DZIP1: variants seen among roughly 807,000 people sequenced by gnomAD.
DZIP1 encodes the protein DAZ interacting zinc finger protein 1.
DZIP1 carries 97 observed loss-of-function variants against 107.6 expected under a neutral mutation model. The observed-to-expected ratio is 0.90, with a 90% CI of 0.77 to 1.07. The LOEUF (loss-of-function observed/expected upper bound fraction) is 1.07. Ranked by LOEUF, DZIP1 falls within the 50% of genes least tolerant of loss-of-function variation. The pLI, the probability that DZIP1 is intolerant of heterozygous loss-of-function variation, is 0.00. For missense variants in DZIP1, 1,035 were observed against 1,063.6 expected (o/e 0.97, Z 0.37); for synonymous variants, 390 against 386.4 (o/e 1.01, Z -0.11).
intron 10 of DZIP1, among the ~76,000 whole-genome samples, chr13:95,612,918 C>A (rs2045060349): frequency 6.6e-6 from 1 of 151,872 alleles, no homozygotes; most frequent in South Asian, 2.1e-4. Flanking sequence ...CAGAAACTAG[C>A]ACAATCCCTG....
intron 7 of DZIP1, among the ~76,000 whole-genome samples, chr13:95,625,633 G>A (rs993773602): frequency 6.6e-6 from 1 of 152,112 alleles, no homozygotes; most frequent in African/African-American, 2.4e-5. Context: ...GTAACAGAAG[G>A]GAACTGGAAA....
intron 14 of DZIP1, among the ~76,000 whole-genome samples, chr13:95,600,508 AT>A (rs1342458518): frequency 6.6e-6 from 1 of 151,982 alleles, no homozygotes; most frequent in Non-Finnish European, 1.5e-5. Flanking sequence ...CTGGTTTTTT[AT>A]TCATTAAAGT....
intron 7 of DZIP1, among the ~76,000 whole-genome samples, chr13:95,627,719 G>T (rs140218529): frequency 8.1e-4 from 123 of 152,340 alleles, no homozygotes; most frequent in African/African-American, 2.0e-3. Flanking sequence ...GTGGAAGACA[G>T]TTTGGTGGTT....
chr13:95,609,885 A>C (rs544978246), intron 12 of DZIP1, among the ~76,000 whole-genome samples: 1 of 152,162 alleles, frequency 6.6e-6, no homozygotes, highest in Non-Finnish European at 1.5e-5. Context: ...CATCTCTCAA[A>C]TAGACAAAGA....
At chr13:95,589,443 TA>T (rs917060117) in intron 18 of DZIP1, among the ~76,000 whole-genome samples, 6 of 152,250 alleles carry the variant, frequency 3.9e-5, no homozygotes, top group Non-Finnish European at 7.4e-5. Context: ...ATACATATGC[TA>T]AAGACCTGAC....
chr13:95,629,051 GC>G (rs1239973415), intron 7 of DZIP1, among the ~76,000 whole-genome samples: 32 of 152,264 alleles, frequency 2.1e-4, no homozygotes, highest in African/African-American at 7.0e-4. Context: ...GAAAGAGTGA[GC>G]CCATGTGGAA....
Position 95,594,113 on chromosome 13 carries a change from A to T in DZIP1, c.1538-27T>A, listed in dbSNP as rs201630735. On this transcript the variant is annotated intron_variant, in intron 15 of 22. Coordinates refer to ENST00000376829, the MANE Select transcript of DZIP1 (RefSeq NM_198968.4). ...TGAAATAAGGTTTTAAAAATGTGTT[A>T]AAAAAAGAATTAAGCAAATACATCA... 1.5e-4 allele frequency: 229 copies of T among 1,560,798 alleles called. 1 individual carries two copies. In the East Asian group the frequency reaches 4.2e-3, roughly 29 times the overall value.
intron 12 of DZIP1, among the ~76,000 whole-genome samples, chr13:95,610,042 TCTTGACTG>T (rs2044929866): frequency 2.0e-5 from 3 of 149,390 alleles, no homozygotes; most frequent in Non-Finnish European, 4.5e-5. Flanking sequence ...CTTGCCCTGG[TCTTGACTG>T]GTTTAGTGTG....
At chr13:95,638,701 C>A (rs1223586983) in intron 5 of DZIP1, among the ~76,000 whole-genome samples, 2 of 151,938 alleles carry the variant, frequency 1.3e-5, no homozygotes, top group African/African-American at 4.8e-5. Context: ...AGGATGCGTG[C>A]GTGTGTGTGT....
At chr13:95,637,188 G>C (rs1404176797) in intron 5 of DZIP1, 1 of 152,172 alleles carries the variant, frequency 6.6e-6, no homozygotes, top group Admixed American at 6.5e-5. Context: ...TATGAATTAA[G>C]AGATAATTCA....
At chr13:95,611,523 C>T (rs1436876831) in intron 11 of DZIP1, 30 bp from the exon 12 acceptor site, 1 of 1,552,662 alleles carries the variant, frequency 6.4e-7, no homozygotes, top group Non-Finnish European at 8.9e-7. Flanking sequence ...TCTAGTGATA[C>T]ATTTGAAATT....
intron 18 of DZIP1, 40 bp downstream of exon 18, chr13:95,589,763 C>A: frequency 6.3e-7 from 1 of 1,597,426 alleles, no homozygotes; most frequent in Non-Finnish European, 8.5e-7. Context: ...TGAGCTAAGA[C>A]AAACACTGAT....
At chr13:95,631,019 G>A (rs943380979) in intron 6 of DZIP1, among the ~76,000 whole-genome samples, 2 of 152,058 alleles carry the variant, frequency 1.3e-5, no homozygotes, top group Admixed American at 1.3e-4. Context: ...TGTTATTTTT[G>A]TTTCTACGAA....
At chr13:95,615,522 C>T (rs1041031502) in intron 10 of DZIP1, among the ~76,000 whole-genome samples, 2 of 152,208 alleles carry the variant, frequency 1.3e-5, no homozygotes, top group African/African-American at 4.8e-5. Context: ...CCAGACTTAT[C>T]TACTAAATCA....
chr13:95,635,691 C>G (rs1877715820), intron 5 of DZIP1, among the ~76,000 whole-genome samples: 3 of 152,154 alleles, frequency 2.0e-5, no homozygotes, highest in African/African-American at 4.8e-5. Flanking sequence ...CTATGCCTCC[C>G]TCTCTCCCCA....
Position 95,636,543 on chromosome 13 carries a change from CA to C in DZIP1, c.598-3223del, listed in dbSNP as rs58289509. Among the ~76,000 whole-genome samples the C allele has an allele frequency of 3.1e-3, 371 of 118,228 alleles. 3 individuals are homozygous for C. Among genetic ancestry groups the C allele is most frequent in the African/African-American group, 8.0e-3 (235 of 29,214 alleles). 77.6% of individuals were successfully genotyped at this position (118,228 alleles called of 152,430 possible). A position where few individuals can be genotyped will look rare whatever the true frequency, so the allele number is the denominator to read the frequency against. ...AGGGTGACAAAACAAGACCTTGACT[CA>C]AAAAAAAAAAAAAAAATAGAAAAAA... On this transcript the variant is annotated intron_variant, in intron 5 of 22. Transcript: ENST00000376829.
intron 9 of DZIP1, 83 bp from the exon 10 acceptor site, chr13:95,620,030 C>T: frequency 2.8e-6 from 4 of 1,416,202 alleles, no homozygotes; most frequent in Admixed American, 1.9e-5. Context: ...TTAGTGAATA[C>T]CTATGAAACC....
chr13:95,634,169 A>G (rs1300011044), intron 5 of DZIP1, among the ~76,000 whole-genome samples: 2 of 152,064 alleles, frequency 1.3e-5, no homozygotes, highest in Non-Finnish European at 2.9e-5. Flanking sequence ...CTTTGCATTC[A>G]TTGTTGCCCC....
intron 5 of DZIP1, among the ~76,000 whole-genome samples, chr13:95,639,146 C>T (rs899783210): frequency 1.3e-5 from 2 of 152,182 alleles, no homozygotes; most frequent in African/African-American, 4.8e-5. Flanking sequence ...ATGGTAGGTA[C>T]AATTAATATT....
Sources: gnomAD v4.1 joint callset for allele counts (sites outside exome capture counted in the v4.1 genomes callset) on GRCh38, gnomAD v4.1.1 for gene constraint, MANE v1.5 for transcripts, NCBI Gene and HGNC (gene_info 2026-07-23, HGNC 2026-07-21) for gene names.